The following CYTH3 variants were observed in gnomAD, a reference collection of about 807,000 sequenced individuals.
CYTH3 encodes the protein cytohesin 3.
CYTH3 carries 23 observed loss-of-function variants against 55.1 expected under a neutral mutation model. The ratio of observed to expected loss-of-function variants is 0.42; its 90% CI spans 0.30 to 0.59. The LOEUF (loss-of-function observed/expected upper bound fraction) is 0.59, where lower values mean the gene tolerates loss of function less well. Among genes scored for constraint, CYTH3 ranks in the 20% least tolerant of loss-of-function variants. The pLI is 0.20. For synonymous variants in CYTH3, 249 were observed against 194.9 expected, an observed-to-expected ratio of 1.28 and a Z score of -2.31; for missense variants, 413 against 524.8, an observed-to-expected ratio of 0.79 and a Z score of 2.08.
chr7:6,259,759 A>G (rs28626258), intron 1 of CYTH3, among the ~76,000 whole-genome samples: 1 of 26,588 alleles, frequency 3.8e-5, no homozygotes, highest in Admixed American at 6.2e-4. Flanking sequence ...TATATATATT[A>G]TATATATATA....
intron 1 of CYTH3, among the ~76,000 whole-genome samples, chr7:6,240,921 C>T (rs1779657145): frequency 6.6e-6 from 1 of 151,684 alleles, no homozygotes; most frequent in Non-Finnish European, 1.5e-5. Context: ...CAAGACTAGC[C>T]TGACCAACAT....
intron 1 of CYTH3, among the ~76,000 whole-genome samples, chr7:6,259,937 T>C (rs904582345): frequency 6.9e-6 from 1 of 144,002 alleles, no homozygotes; most frequent in Non-Finnish European, 1.5e-5. Flanking sequence ...TTCAAGTGAT[T>C]CTCCTGCCTC....
intron 1 of CYTH3, among the ~76,000 whole-genome samples, chr7:6,203,338 G>T (rs956247674): frequency 6.6e-6 from 1 of 151,708 alleles, no homozygotes; most frequent in Non-Finnish European, 1.5e-5. Context: ...ACATATCATT[G>T]CCTCCATAGC....
Position 6,170,368 on chromosome 7 carries a change from G to C in CYTH3, c.823+167C>G. On this transcript the variant is annotated intron_variant, in intron 9 of 12. Coordinates refer to ENST00000350796, the MANE Select transcript of CYTH3 (RefSeq NM_004227.4). The surrounding 1 kb of genome is among the most constrained non-coding windows in gnomAD (Gnocchi z 7.8). ...TCTGAGGCCCCGGCTCGGAGAAGCAGCCGTGGCCATGCAGCTACCGAGAGC... is the reference window on the plus strand; with the variant it reads ...TCTGAGGCCCCGGCTCGGAGAAGCACCCGTGGCCATGCAGCTACCGAGAGC... The C allele has an allele frequency of 3.1e-6, 2 of 644,212 alleles. No individual in the cohort carries two copies. The highest frequency in any genetic ancestry group is 5.2e-6 in the Non-Finnish European group (2 of 383,114). 39.9% of individuals were successfully genotyped at this position (644,212 alleles called of 1,614,324 possible).
chr7:6,193,377 CAAAAAAAAA>C (rs759990952), intron 1 of CYTH3, among the ~76,000 whole-genome samples: 1 of 63,158 alleles, frequency 1.6e-5, no homozygotes, highest in Non-Finnish European at 3.4e-5. Context: ...ACTCCCGTCT[CAAAAAAAAA>C]AAAAAAAAGG....
At chr7:6,174,539 GTT>G (rs760279977) in intron 5 of CYTH3, among the ~76,000 whole-genome samples, 26 of 89,778 alleles carry the variant, frequency 2.9e-4, no homozygotes, top group African/African-American at 1.1e-3. Flanking sequence ...CTCCTTGTGG[GTT>G]TTTTTTTTTT....
At position 6,171,021 on chromosome 7, in the gene CYTH3, T is replaced by A. The variant is rs371557635; in HGVS notation, c.563-43A>T. 10 of 1,611,126 alleles carry A rather than the reference T, an allele frequency of 6.2e-6. No individual in the cohort carries two copies. The highest frequency in any genetic ancestry group is 8.5e-6 in the Non-Finnish European group (10 of 1,178,902). On this transcript the variant is annotated intron_variant, in intron 7 of 12. Coordinates refer to ENST00000350796, the MANE Select transcript of CYTH3 (RefSeq NM_004227.4). This position sits in a 1 kb window ranked among gnomAD's most constrained non-coding sequence, Gnocchi z 6.7. ...TGCTGGGCTCAGCCAGAACCTCCAG[T>A]GGACAGTGGGACCCCGCGTGCTGGG...
chr7:6,228,649 G>A (rs781015215), intron 1 of CYTH3, among the ~76,000 whole-genome samples: 3 of 152,130 alleles, frequency 2.0e-5, no homozygotes, highest in East Asian at 3.9e-4. Flanking sequence ...TTAACATTTC[G>A]CTTCTGGAAA....
chr7:6,268,327 C>G (rs546997751), intron 1 of CYTH3, among the ~76,000 whole-genome samples: 9 of 152,244 alleles, frequency 5.9e-5, no homozygotes, highest in African/African-American at 1.9e-4. Context: ...ACCACCACTC[C>G]CGGCTAATTT....
rs57458840 is a variant in CYTH3 at position 6,179,911 on chromosome 7, C to A, written c.250-1970G>T. Among the ~76,000 whole-genome samples, 765 of 149,664 alleles carry A rather than the reference C, an allele frequency of 5.1e-3. 4 individuals are homozygous for A. The highest frequency in any genetic ancestry group is 0.018 in the African/African-American group (726 of 40,266). ...CCACACACACCCACACACAACCACA[C>A]ACACACAAACCACACACACACACAC... On this transcript the variant is annotated intron_variant, in intron 4 of 12. Coordinates refer to ENST00000350796, the MANE Select transcript of CYTH3 (RefSeq NM_004227.4).
At chr7:6,190,984 G>A (rs1583766487) in intron 1 of CYTH3, among the ~76,000 whole-genome samples, 1 of 152,054 alleles carries the variant, frequency 6.6e-6, no homozygotes. Context: ...GGCTGAGGCA[G>A]GAGAACTGCT....
At chr7:6,190,026 ACTCTGT>A (rs1279636104) in intron 2 of CYTH3, among the ~76,000 whole-genome samples, 8 of 152,070 alleles carry the variant, frequency 5.3e-5, no homozygotes, top group African/African-American at 1.9e-4. Context: ...ACAGAGCGAG[ACTCTGT>A]CTCAAAAAAG....
At chr7:6,175,556 T>C (rs993188665) in intron 5 of CYTH3, among the ~76,000 whole-genome samples, 2 of 147,386 alleles carry the variant, frequency 1.4e-5, no homozygotes, top group East Asian at 4.0e-4. Context: ...TTTTTTTTTT[T>C]TTTTTTTTTT....
In CYTH3 at chr7:6,170,755, A is replaced by G; in HGVS notation, c.711+75T>C. 1.3e-6 allele frequency: 2 copies of G among 1,569,582 alleles called. No individual in the cohort carries two copies. The highest frequency in any genetic ancestry group is 1.7e-6 in the Non-Finnish European group (2 of 1,156,612). ...GCAAGGAGGCTTGGGAGGCGTGTCT[A>G]GAGCCGCGGGCGCTGCGGCCGCTCA... On this transcript the variant is annotated intron_variant, in intron 8 of 12. Transcript: ENST00000350796. The surrounding 1 kb of genome is among the most constrained non-coding windows in gnomAD (Gnocchi z 7.8).
chr7:6,223,132 G>T (rs552582654), intron 1 of CYTH3, among the ~76,000 whole-genome samples: 1 of 152,156 alleles, frequency 6.6e-6, no homozygotes, highest in Non-Finnish European at 1.5e-5. Flanking sequence ...TCTGGGAGGC[G>T]AGGAGCGCCT....
chr7:6,259,759 A>ATATATATAT (rs1562417357), intron 1 of CYTH3, among the ~76,000 whole-genome samples: 16 of 26,582 alleles, frequency 6.0e-4, no homozygotes, highest in African/African-American at 4.1e-3. Context: ...TATATATATT[A>ATATATATAT]TATATATATA....
At chr7:6,175,125 G>T (rs930813027) in intron 5 of CYTH3, among the ~76,000 whole-genome samples, 1 of 152,154 alleles carries the variant, frequency 6.6e-6, no homozygotes, top group African/African-American at 2.4e-5. Context: ...ATATTTGCAA[G>T]TAATACTGAT....
chr7:6,239,725 A>G (rs1244136968), intron 1 of CYTH3, among the ~76,000 whole-genome samples: 1 of 152,218 alleles, frequency 6.6e-6, no homozygotes, highest in Non-Finnish European at 1.5e-5. Context: ...AATTCAAATA[A>G]CTAGTTAGAC....
intron 1 of CYTH3, among the ~76,000 whole-genome samples, chr7:6,271,138 C>T (rs946672481): frequency 6.6e-6 from 1 of 152,116 alleles, no homozygotes; most frequent in Non-Finnish European, 1.5e-5. Context: ...CAACTGGGCG[C>T]CTTCGTTCCA....
Sources: gnomAD v4.1 joint callset for allele counts (sites outside exome capture counted in the v4.1 genomes callset) on GRCh38, gnomAD v4.1.1 for gene constraint, Gnocchi (gnomAD v3.1) non-coding constraint, MANE v1.5 for transcripts, NCBI Gene and HGNC (gene_info 2026-07-23, HGNC 2026-07-21) for gene names.